Variants in SDCBP observed in about 807,000 individuals in gnomAD.
SDCBP encodes the protein syndecan binding protein.
Under a neutral mutation model 30.5 loss-of-function variants are expected in SDCBP, and 22 were observed. That is an observed-to-expected ratio of 0.72 (90% CI 0.52 to 1.03). The LOEUF (loss-of-function observed/expected upper bound fraction) is 1.03, where lower values mean the gene tolerates loss of function less well. Ranked by LOEUF, SDCBP falls within the 50% of genes least tolerant of loss-of-function variation. The probability of loss-of-function intolerance (pLI) is 0.00; values close to 1 mark genes in which losing one functional copy is unlikely to be tolerated. For synonymous variants in SDCBP, 103 were observed against 118.7 expected (o/e 0.87, Z 0.86); for missense variants, 304 against 369.9 (o/e 0.82, Z 1.46).
At chr8:58,574,073 AT>A in intron 4 of SDCBP, among the ~76,000 whole-genome samples, 1 of 152,292 alleles carries the variant, frequency 6.6e-6, no homozygotes, top group South Asian at 2.1e-4. Context: ...TATAAAAATC[AT>A]TTTTAACTCA....
chr8:58,555,091 T>C (rs187492884), intron 1 of SDCBP, among the ~76,000 whole-genome samples: 149 of 152,324 alleles, frequency 9.8e-4, no homozygotes, highest in Admixed American at 2.4e-3. Context: ...ATTTTGCTCT[T>C]ATTTTTCCAG....
At chr8:58,568,897 T>A (rs190070964) in intron 2 of SDCBP, among the ~76,000 whole-genome samples, 2 of 152,312 alleles carry the variant, frequency 1.3e-5, no homozygotes, top group Admixed American at 6.5e-5. Flanking sequence ...TTTTGTGTTT[T>A]CTTTAGCGTC....
intron 5 of SDCBP, among the ~76,000 whole-genome samples, chr8:58,577,387 T>TA (rs1188168641): frequency 6.6e-6 from 1 of 152,266 alleles, no homozygotes. Flanking sequence ...CATGTGAGTG[T>TA]AGTTATTGGT....
At chr8:58,580,329 A>T (rs925813238) in intron 7 of SDCBP, among the ~76,000 whole-genome samples, 188 bp from the exon 8 acceptor site, 1 of 152,200 alleles carries the variant, frequency 6.6e-6, no homozygotes, top group Non-Finnish European at 1.5e-5. Context: ...AAAATATTCA[A>T]CTCAGTTTAC....
intron 1 of SDCBP, among the ~76,000 whole-genome samples, chr8:58,554,199 G>A (rs747107342): frequency 1.3e-5 from 2 of 152,072 alleles, no homozygotes; most frequent in African/African-American, 2.4e-5. Context: ...AAGTACGCTC[G>A]GCTTACCAAA....
At chr8:58,575,841 ATT>A in intron 4 of SDCBP, 57 bp from the exon 5 acceptor site, 1 of 1,412,976 alleles carries the variant, frequency 7.1e-7, no homozygotes, top group Non-Finnish European at 9.8e-7. Flanking sequence ...GTTAATTATC[ATT>A]GTTTTTTTCA....
intron 1 of SDCBP, among the ~76,000 whole-genome samples, chr8:58,562,633 A>G (rs957893562): frequency 2.0e-5 from 3 of 152,204 alleles, no homozygotes; most frequent in Non-Finnish European, 4.4e-5. Flanking sequence ...TTCCACATGG[A>G]TAATAATGAA....
intron 7 of SDCBP, 145 bp downstream of exon 7, chr8:58,579,939 G>A (rs975145858): frequency 6.4e-6 from 4 of 628,692 alleles, no homozygotes; most frequent in South Asian, 2.7e-5. Context: ...GCCAGTCACC[G>A]GAATTATTTG....
At chr8:58,575,861 T>C in intron 4 of SDCBP, 39 bp from the exon 5 acceptor site, 1 of 1,495,954 alleles carries the variant, frequency 6.7e-7, no homozygotes, top group Non-Finnish European at 9.1e-7. Context: ...TCAAGGAGAG[T>C]GTTTCTAGAT....
In SDCBP at chr8:58,582,702, G is replaced by A. The variant is rs1257078982; in HGVS notation, c.*962G>A. On this transcript the variant is annotated 3_prime_UTR_variant, in exon 9 of 9. Transcript: ENST00000260130. Reference sequence around the variant, plus strand: ...AGATTATGTAACCTAGCTACTTTGGGATGGTCTTAGAATATTTTTCTGATA... The same window carrying A: ...AGATTATGTAACCTAGCTACTTTGGAATGGTCTTAGAATATTTTTCTGATA... 1 of 152,534 alleles carries A rather than the reference G, an allele frequency of 6.6e-6. No individual in the cohort carries two copies. The highest frequency in any genetic ancestry group is 1.5e-5 in the Non-Finnish European group (1 of 68,018). The allele number at this position is 152,534 out of a possible 1,614,324, so 9.4% of individuals were successfully genotyped here. A position where few individuals can be genotyped will look rare whatever the true frequency, so the allele number is the denominator to read the frequency against.
intron 4 of SDCBP, among the ~76,000 whole-genome samples, chr8:58,574,300 A>T (rs80072390): frequency 0.067 from 10,144 of 152,224 alleles, 855 homozygotes; most frequent in East Asian, 0.26. Flanking sequence ...ACTACCAACA[A>T]TTCATACATA....
At chr8:58,574,211 A>G (rs538698570) in intron 4 of SDCBP, among the ~76,000 whole-genome samples, 3 of 152,184 alleles carry the variant, frequency 2.0e-5, no homozygotes, top group Admixed American at 6.5e-5. Flanking sequence ...TGATTACTAT[A>G]TGATACTAAT....
intron 4 of SDCBP, among the ~76,000 whole-genome samples, chr8:58,572,934 G>A (rs1026888447): frequency 2.7e-5 from 4 of 148,910 alleles, no homozygotes; most frequent in Non-Finnish European, 5.9e-5. Context: ...AGCCTCCCAA[G>A]TAGCTGAGAC....
Position 58,578,042 on chromosome 8 carries a change from G to A in SDCBP, c.412G>A (p.Val138Ile). The A allele has an allele frequency of 1.9e-6, 3 of 1,612,670 alleles. No individual in the cohort carries two copies. Among genetic ancestry groups the A allele is most frequent in the Non-Finnish European group, 1.7e-6 (2 of 1,178,896 alleles). Residue 138 changes from valine (V) to isoleucine (I), a missense_variant, in exon 6 of 9, where the codon GTT (valine) becomes ATT (isoleucine). Transcript: ENST00000260130. ...TTTTCTTATTATCTAGGGTATATTT[G>A]TTCAGCTAGTCCAGGCTAATTCTCC... ...RLKSIDNGIFVQLVQANSPAS... is the reference protein window; with the variant it reads ...RLKSIDNGIFIQLVQANSPAS...
chr8:58,579,721 C>T lies in SDCBP; in HGVS notation c.677C>T (p.Ser226Phe). The T allele has an allele frequency of 6.2e-7, 1 of 1,612,870 alleles. No individual in the cohort carries two copies. The highest frequency in any genetic ancestry group is 1.1e-5 in the South Asian group (1 of 90,900). The stretch of plus-strand genomic sequence containing the variant: ...ATAACATCCATAGTGAAAGATAGCT[C>T]TGCAGCCAGAAATGGTCTTCTCACG... ...GKITSIVKDS[S>F]AARNGLLTEH... Residue 226 changes from serine (S) to phenylalanine (F), a missense_variant, in exon 7 of 9, where the codon TCT becomes TTT. Ser to Phe is a radical substitution (Grantham distance 155). Transcript: ENST00000260130.
intron 1 of SDCBP, among the ~76,000 whole-genome samples, chr8:58,560,123 T>C (rs1804357587): frequency 6.6e-6 from 1 of 151,976 alleles, no homozygotes; most frequent in African/African-American, 2.4e-5. Context: ...TCCCCCTCCC[T>C]CAGCATGAAA....
At chr8:58,563,738 TTAA>T (rs1316547591) in intron 1 of SDCBP, among the ~76,000 whole-genome samples, 1 of 152,172 alleles carries the variant, frequency 6.6e-6, no homozygotes, top group African/African-American at 2.4e-5. Flanking sequence ...AAGAGCAGAC[TTAA>T]TAAGTAGCCA....
At chr8:58,575,844 G>GC in intron 4 of SDCBP, 56 bp from the exon 5 acceptor site, 1 of 1,432,018 alleles carries the variant, frequency 7.0e-7, no homozygotes, top group Non-Finnish European at 9.6e-7. Context: ...AATTATCATT[G>GC]TTTTTTTCAA....
intron 8 of SDCBP, among the ~76,000 whole-genome samples, chr8:58,580,924 C>T (rs1036781138): frequency 2.6e-5 from 4 of 152,178 alleles, no homozygotes; most frequent in Non-Finnish European, 5.9e-5. Context: ...CTGCCTACCA[C>T]CCCTCTGCTC....
Sources: allele counts gnomAD v4.1 joint callset (sites outside exome capture counted in the v4.1 genomes callset), GRCh38; gene constraint gnomAD v4.1.1; transcripts MANE v1.5; gene names NCBI Gene and HGNC (gene_info 2026-07-23, HGNC 2026-07-21).